The following PLA2G4A variants were observed in gnomAD, a reference collection of about 807,000 sequenced individuals.
PLA2G4A encodes cytosolic phospholipase A2.
In PLA2G4A, 40 loss-of-function variants were observed where a neutral mutation model predicts 81.9. That is an observed-to-expected ratio of 0.49 (90% CI 0.38 to 0.64). The LOEUF is 0.64. PLA2G4A is among the 30% of genes least tolerant of loss of function. PLA2G4A has a pLI of 0.00. For missense variants in PLA2G4A, 715 were observed against 905.1 expected (o/e 0.79, Z 2.69); for synonymous variants, 302 against 296.9 (o/e 1.02, Z -0.18).
At chr1:186,972,058 C>T (rs537733220) in intron 15 of PLA2G4A, among the ~76,000 whole-genome samples, 1 of 152,088 alleles carries the variant, frequency 6.6e-6, no homozygotes, top group African/African-American at 2.4e-5. Flanking sequence ...CAAGAAGATA[C>T]AGAAAGATGG....
intron 5 of PLA2G4A, among the ~76,000 whole-genome samples, chr1:186,897,289 A>T (rs897667334): frequency 6.6e-6 from 1 of 152,084 alleles, no homozygotes; most frequent in Non-Finnish European, 1.5e-5. Flanking sequence ...TGCTTTATTC[A>T]CTTGGAGTCG....
chr1:186,839,545 A>G (rs561521786), intron 1 of PLA2G4A, among the ~76,000 whole-genome samples: 25 of 152,286 alleles, frequency 1.6e-4, no homozygotes, highest in African/African-American at 4.8e-4. Flanking sequence ...CAGAACCTCA[A>G]CTGAAACCTG....
At chr1:186,885,233 A>G (rs1362780268) in intron 3 of PLA2G4A, among the ~76,000 whole-genome samples, 1 of 152,146 alleles carries the variant, frequency 6.6e-6, no homozygotes, top group Non-Finnish European at 1.5e-5. Context: ...AAAAATAAAA[A>G]CCTGAAAAAC....
chr1:186,890,959 A>G (rs996522704), intron 3 of PLA2G4A, among the ~76,000 whole-genome samples: 1 of 152,052 alleles, frequency 6.6e-6, no homozygotes, highest in Admixed American at 6.6e-5. Flanking sequence ...TATGAGTGCC[A>G]CCCCTTAAAG....
intron 3 of PLA2G4A, among the ~76,000 whole-genome samples, chr1:186,871,971 G>T (rs1157806691): frequency 3.3e-5 from 5 of 152,016 alleles, no homozygotes; most frequent in African/African-American, 1.2e-4. Context: ...TGAGCTTAAG[G>T]CTCATATCAT....
At chr1:186,859,157 C>G (rs1652705875) in intron 2 of PLA2G4A, among the ~76,000 whole-genome samples, 1 of 152,080 alleles carries the variant, frequency 6.6e-6, no homozygotes, top group Non-Finnish European at 1.5e-5. Context: ...CTCATTTTCA[C>G]CATTCCTGTG....
chr1:186,845,597 GAAA>G (rs2102013933), intron 1 of PLA2G4A, among the ~76,000 whole-genome samples: 1 of 152,230 alleles, frequency 6.6e-6, no homozygotes, highest in Non-Finnish European at 1.5e-5. Context: ...GAGGGAAAGA[GAAA>G]AGAATCTTTT....
intron 2 of PLA2G4A, among the ~76,000 whole-genome samples, chr1:186,857,081 A>ATAT (rs373845506): frequency 4.2e-5 from 1 of 23,862 alleles, no homozygotes; most frequent in African/African-American, 3.4e-4. Context: ...CATATATTAT[A>ATAT]CATATATAAT....
chr1:186,957,769 A>T (rs1161313037), intron 14 of PLA2G4A, among the ~76,000 whole-genome samples: 1 of 152,194 alleles, frequency 6.6e-6, no homozygotes, highest in African/African-American at 2.4e-5. Context: ...TTTCAGTTCC[A>T]TGCCTGTTAT....
chr1:186,936,813 T>G (rs1319099696), intron 8 of PLA2G4A, among the ~76,000 whole-genome samples: 1 of 151,982 alleles, frequency 6.6e-6, no homozygotes, highest in Non-Finnish European at 1.5e-5. Context: ...TCTTATCATA[T>G]AAATATGTTG....
At chr1:186,919,485 G>A (rs149988951) in intron 7 of PLA2G4A, among the ~76,000 whole-genome samples, 29 of 152,260 alleles carry the variant, frequency 1.9e-4, no homozygotes, top group African/African-American at 6.0e-4. Flanking sequence ...CTCGACTGCC[G>A]TGGAGTGTCC....
intron 4 of PLA2G4A, among the ~76,000 whole-genome samples, chr1:186,893,848 TG>T (rs752276263): frequency 6.8e-6 from 1 of 146,354 alleles, no homozygotes; most frequent in Non-Finnish European, 1.5e-5. Context: ...CGCTTGAATC[TG>T]GGAGGTGGAG....
intron 4 of PLA2G4A, among the ~76,000 whole-genome samples, chr1:186,893,505 TC>T (rs1488655483): frequency 6.6e-6 from 1 of 152,232 alleles, no homozygotes; most frequent in Non-Finnish European, 1.5e-5. Flanking sequence ...GTATCGATTT[TC>T]TGCATTAATA....
chr1:186,911,505 T>C (rs1654941870), intron 7 of PLA2G4A, 116 bp downstream of exon 7: 1 of 809,368 alleles, frequency 1.2e-6, no homozygotes, highest in Non-Finnish European at 2.1e-6. Flanking sequence ...ATTCCTTTAG[T>C]TTTTTAAGGT....
rs148589740 is a variant in PLA2G4A, at chr1:186,921,354, C to T, written c.558+9965C>T. ...AATCAGCACAAGTAGGATTATGAGT[C>T]TGTATAATAGTTTGGAGCAAGTCAA... is the stretch of plus-strand genomic sequence containing the variant. On this transcript the variant is annotated intron_variant, in intron 7 of 17. Coordinates refer to ENST00000367466, the MANE Select transcript of PLA2G4A (RefSeq NM_024420.3). Among the ~76,000 whole-genome samples the T allele has an allele frequency of 4.4e-3, 669 of 152,284 alleles. 3 individuals are homozygous for T. Among genetic ancestry groups the T allele is most frequent in the Middle Eastern group, 0.02 (6 of 294 alleles).
intron 3 of PLA2G4A, among the ~76,000 whole-genome samples, chr1:186,884,256 C>CTT (rs758656530): frequency 7.3e-6 from 1 of 136,316 alleles, no homozygotes; most frequent in Non-Finnish European, 1.6e-5. Context: ...AATCCTCCCC[C>CTT]TTTTTTTTTT....
In PLA2G4A at chr1:186,988,798, T is replaced by C. The variant is rs528645966; in HGVS notation, c.*290T>C. On this transcript the variant is annotated 3_prime_UTR_variant, in exon 18 of 18. Transcript: ENST00000367466. Reference sequence around the variant, plus strand: ...TAAACATTTCTCACCAACTTTCTTATGTGTGTTCTTTTTAAAAATTTTTTT... The same window carrying C: ...TAAACATTTCTCACCAACTTTCTTACGTGTGTTCTTTTTAAAAATTTTTTT... The C allele has an allele frequency of 1.3e-5, 3 of 238,600 alleles. No homozygotes were observed. Among genetic ancestry groups the C allele is most frequent in the East Asian group, 9.3e-5 (1 of 10,708 alleles). The allele number at this position is 238,600 out of a possible 1,614,324, so 14.8% of individuals were successfully genotyped here.
chr1:186,971,440 T>G (rs1322412621), intron 15 of PLA2G4A, among the ~76,000 whole-genome samples: 1 of 151,954 alleles, frequency 6.6e-6, no homozygotes, highest in African/African-American at 2.4e-5. Context: ...TTTCTCCAAA[T>G]TTATATACTT....
chr1:186,960,254 G>T (rs568439226), intron 14 of PLA2G4A, among the ~76,000 whole-genome samples: 1 of 152,210 alleles, frequency 6.6e-6, no homozygotes, highest in East Asian at 1.9e-4. Context: ...CTGGAAATAA[G>T]AAATAAAGAC....
Sources: allele counts gnomAD v4.1 joint callset (sites outside exome capture counted in the v4.1 genomes callset), GRCh38; gene constraint gnomAD v4.1.1; transcripts MANE v1.5; gene names NCBI Gene and HGNC (gene_info 2026-07-23, HGNC 2026-07-21).